The following THSD7A variants were observed in gnomAD, a reference collection of about 807,000 sequenced individuals.
THSD7A encodes the protein thrombospondin type-1 domain-containing protein 7A.
THSD7A carries 96 observed loss-of-function variants against 231.3 expected under a neutral mutation model. The observed-to-expected ratio is 0.41, with a 90% confidence interval of 0.35 to 0.49. The LOEUF (loss-of-function observed/expected upper bound fraction) is 0.49, where lower values mean the gene tolerates loss of function less well. Ranked by LOEUF, THSD7A falls within the 20% of genes least tolerant of loss-of-function variation. The pLI, the probability that THSD7A is intolerant of heterozygous loss-of-function variation, is 0.05. For missense variants in THSD7A, 2,290 were observed against 2,070.2 expected (o/e 1.11, Z -2.06); for synonymous variants, 940 against 743.3 (o/e 1.26, Z -4.30).
intron 1 of THSD7A, among the ~76,000 whole-genome samples, chr7:11,740,620 C>A (rs946061638): frequency 6.6e-5 from 10 of 152,056 alleles, no homozygotes; most frequent in Admixed American, 4.6e-4. Context: ...TCTTAGCATG[C>A]CTCCCTTGGG....
chr7:11,406,217 C>T lies in THSD7A; in HGVS notation c.4237+83G>A. The T allele has an allele frequency of 2.9e-6, 4 of 1,379,400 alleles. No homozygotes were observed. The highest frequency in any genetic ancestry group is 1.4e-5 in the South Asian group (1 of 71,756). The allele number at this position is 1,379,400 out of a possible 1,614,324, so 85.4% of individuals were successfully genotyped here. ...TAAGAAGACTGTTGACATCCTGTAA[C>T]TTATACTTTATATGCAACCCCTTCA... On this transcript the variant is annotated intron_variant, in intron 22 of 27. Transcript: ENST00000423059. The surrounding 1 kb of genome is among the most constrained non-coding windows in gnomAD (Gnocchi z 4.7).
intron 1 of THSD7A, among the ~76,000 whole-genome samples, chr7:11,703,277 G>C (rs1037183533): frequency 6.6e-6 from 1 of 151,116 alleles, no homozygotes; most frequent in African/African-American, 2.4e-5. Context: ...ACAGACGTAG[G>C]AACACATCTG....
intron 6 of THSD7A, among the ~76,000 whole-genome samples, chr7:11,529,110 T>A (rs1286101529): frequency 2.0e-5 from 3 of 152,158 alleles, no homozygotes; most frequent in Admixed American, 2.0e-4. Flanking sequence ...ATTTCTAATC[T>A]ACTCTAAAAT....
chr7:11,660,527 G>C (rs1782889272), intron 1 of THSD7A, among the ~76,000 whole-genome samples: 1 of 151,166 alleles, frequency 6.6e-6, no homozygotes, highest in African/African-American at 2.4e-5. Flanking sequence ...CAGTTCAAGA[G>C]AAGAACATAA....
At chr7:11,609,498 A>C (rs1366261511) in intron 2 of THSD7A, among the ~76,000 whole-genome samples, 1 of 152,204 alleles carries the variant, frequency 6.6e-6, no homozygotes, top group Non-Finnish European at 1.5e-5. Context: ...TGAGGCTGAC[A>C]AAGAGTAGTG....
At chr7:11,509,837 T>C (rs374596414) in intron 6 of THSD7A, among the ~76,000 whole-genome samples, 6 of 58,814 alleles carry the variant, frequency 1.0e-4, no homozygotes, top group East Asian at 3.6e-4. Flanking sequence ...AAAAAAAAAA[T>C]AACATCTGAA....
At chr7:11,781,387 T>G (rs1044218268) in intron 1 of THSD7A, among the ~76,000 whole-genome samples, 1 of 151,964 alleles carries the variant, frequency 6.6e-6, no homozygotes, top group East Asian at 1.9e-4. Flanking sequence ...CCCAGGAGTT[T>G]CAGGCTGCAA....
At chr7:11,540,080 G>A (rs1298478031) in intron 6 of THSD7A, among the ~76,000 whole-genome samples, 2 of 151,902 alleles carry the variant, frequency 1.3e-5, no homozygotes, top group Non-Finnish European at 2.9e-5. Context: ...CAATCTCTGA[G>A]TGTTACTTCC....
intron 1 of THSD7A, among the ~76,000 whole-genome samples, chr7:11,669,355 T>C (rs1783281758): frequency 6.6e-6 from 1 of 151,980 alleles, no homozygotes; most frequent in South Asian, 2.1e-4. Context: ...AATATATATA[T>C]TTTTCTTTCT....
chr7:11,778,086 G>A (rs1358054807), intron 1 of THSD7A, among the ~76,000 whole-genome samples: 1 of 143,682 alleles, frequency 7.0e-6, no homozygotes, highest in African/African-American at 2.5e-5. Context: ...GAACCCGGGA[G>A]GCGGAGCTTG....
intron 19 of THSD7A, among the ~76,000 whole-genome samples, chr7:11,408,872 C>T (rs1441441559): frequency 6.6e-6 from 1 of 152,090 alleles, no homozygotes; most frequent in Non-Finnish European, 1.5e-5. Flanking sequence ...CCTCATAAAG[C>T]CACTTAAAAG....
At chr7:11,826,821 A>C (rs1785045160) in intron 1 of THSD7A, among the ~76,000 whole-genome samples, 1 of 151,616 alleles carries the variant, frequency 6.6e-6, no homozygotes, top group South Asian at 2.1e-4. Flanking sequence ...TCAAAAAAAA[A>C]AAAAAAAAAA....
At chr7:11,650,605 C>T (rs931076435) in intron 1 of THSD7A, among the ~76,000 whole-genome samples, 43 of 151,992 alleles carry the variant, frequency 2.8e-4, no homozygotes, top group Non-Finnish European at 4.4e-5. Flanking sequence ...CTGCAGGTGT[C>T]TTGCACTACC....
intron 22 of THSD7A, among the ~76,000 whole-genome samples, chr7:11,405,903 C>G (rs1783565191): frequency 6.6e-6 from 1 of 152,122 alleles, no homozygotes. Context: ...ATTATGAGGA[C>G]TTAATCTGTT....
rs377684863 is a variant in THSD7A, at chr7:11,429,029, C to T, written c.3161G>A (p.Gly1054Asp). The T allele has an allele frequency of 1.9e-6, 3 of 1,613,292 alleles. No individual in the cohort carries two copies. The highest frequency in any genetic ancestry group is 1.7e-5 in the Admixed American group (1 of 59,898). Residue 1054 changes from glycine (G) to aspartate (D), a missense_variant, in exon 14 of 28, where the codon GGT becomes GAT. Coordinates refer to ENST00000423059, the MANE Select transcript of THSD7A (RefSeq NM_015204.3). The stretch of plus-strand genomic sequence containing the variant: ...CAGCCATTTAGAACGAACCTTCACA[C>T]CACTCCCACAGGACTTGCTGCAGCG... ...WSRCSKSCGS[G>D]VKVRSKWLRE...
intron 1 of THSD7A, among the ~76,000 whole-genome samples, chr7:11,797,044 G>A (rs989010507): frequency 6.6e-6 from 1 of 151,936 alleles, no homozygotes; most frequent in African/African-American, 2.4e-5. Context: ...AACATTATTT[G>A]GGGAAACACT....
chr7:11,503,281 C>A (rs774216388), intron 6 of THSD7A, among the ~76,000 whole-genome samples: 1 of 152,166 alleles, frequency 6.6e-6, no homozygotes, highest in African/African-American at 2.4e-5. Flanking sequence ...GAAGCTGGAC[C>A]CCTTTCTTAT....
At chr7:11,767,362 C>CTT (rs1192975176) in intron 1 of THSD7A, among the ~76,000 whole-genome samples, 7 of 152,230 alleles carry the variant, frequency 4.6e-5, no homozygotes, top group African/African-American at 1.7e-4. Flanking sequence ...CTTGTGGTTA[C>CTT]TTTCCTCCAG....
chr7:11,558,857 G>A (rs945282719), intron 4 of THSD7A, among the ~76,000 whole-genome samples: 2 of 152,136 alleles, frequency 1.3e-5, no homozygotes, highest in Non-Finnish European at 2.9e-5. Flanking sequence ...CCACAGATGT[G>A]ATTAAAGGTT....
Sources: allele counts gnomAD v4.1 joint callset (sites outside exome capture counted in the v4.1 genomes callset), GRCh38; gene constraint gnomAD v4.1.1; non-coding constraint Gnocchi (gnomAD v3.1); transcripts MANE v1.5; gene names NCBI Gene and HGNC (gene_info 2026-07-23, HGNC 2026-07-21).